NCKAP5: variants seen among roughly 807,000 people sequenced by gnomAD.
NCKAP5 encodes NCK associated protein 5.
Under a neutral mutation model 167.0 loss-of-function variants are expected in NCKAP5, and 92 were observed. The observed-to-expected ratio is 0.55, with a 90% CI of 0.47 to 0.66. NCKAP5 has a LOEUF of 0.66. Ranked by LOEUF, NCKAP5 falls within the 30% of genes least tolerant of loss-of-function variation. The probability of loss-of-function intolerance (pLI) is 0.00; values close to 1 mark genes in which losing one functional copy is unlikely to be tolerated. For synonymous variants in NCKAP5, 891 were observed against 877.4 expected, an observed-to-expected ratio of 1.02 and a Z score of -0.27; for missense variants, 2,378 against 2,315.0, an observed-to-expected ratio of 1.03 and a Z score of -0.56.
At chr2:133,208,954 A>G (rs1279280758) in intron 5 of NCKAP5, among the ~76,000 whole-genome samples, 1 of 152,184 alleles carries the variant, frequency 6.6e-6, no homozygotes, top group Non-Finnish European at 1.5e-5. Flanking sequence ...TAAGGGTAGT[A>G]ATAAAGGCTG....
chr2:133,624,636 C>T, the NCKAP5 span, among the ~76,000 whole-genome samples: 4 of 152,198 alleles, frequency 2.6e-5, no homozygotes. Flanking sequence ...GTAATTGCTA[C>T]ACAATGTCTC....
chr2:132,693,448 CAGAG>C (rs1686987114), intron 19 of NCKAP5, among the ~76,000 whole-genome samples: 1 of 151,744 alleles, frequency 6.6e-6, no homozygotes, highest in African/African-American at 2.4e-5. Flanking sequence ...AAGACAGACA[CAGAG>C]AGAAAACAGA....
chr2:132,732,366 A>G (rs1691112494), intron 16 of NCKAP5, among the ~76,000 whole-genome samples: 3 of 152,186 alleles, frequency 2.0e-5, no homozygotes, highest in Admixed American at 2.0e-4. Flanking sequence ...GCACACCAAC[A>G]TGGCACATGT....
intron 3 of NCKAP5, among the ~76,000 whole-genome samples, chr2:133,310,225 G>A (rs1409109970): frequency 6.6e-6 from 1 of 152,192 alleles, no homozygotes; most frequent in African/African-American, 2.4e-5. Context: ...ACTGGCATCT[G>A]TACCAATATA....
intron 10 of NCKAP5, 100 bp from the exon 11 acceptor site, chr2:132,860,711 G>T: frequency 2.2e-6 from 3 of 1,360,882 alleles, no homozygotes; most frequent in African/African-American, 1.5e-5. Context: ...AGTAAAAAAC[G>T]GTATTTTTAT....
chr2:133,593,777 T>C, the NCKAP5 span, among the ~76,000 whole-genome samples: 4 of 152,248 alleles, frequency 2.6e-5, no homozygotes, highest in African/African-American at 7.2e-5. Context: ...TCTTCCAGCC[T>C]CTGTTTCTTC....
intron 2 of NCKAP5, among the ~76,000 whole-genome samples, chr2:133,535,151 C>T (rs1477561490): frequency 6.6e-6 from 1 of 152,064 alleles, no homozygotes; most frequent in East Asian, 1.9e-4. Flanking sequence ...TTATGTAAAA[C>T]TAGATTCAGG....
At chr2:132,841,664 A>G (rs577072037) in intron 11 of NCKAP5, among the ~76,000 whole-genome samples, 1 of 152,176 alleles carries the variant, frequency 6.6e-6, no homozygotes, top group South Asian at 2.1e-4. Flanking sequence ...TATATACTCT[A>G]TTATACTTAA....
At chr2:133,438,109 A>G (rs566107641) in intron 3 of NCKAP5, among the ~76,000 whole-genome samples, 19 of 152,320 alleles carry the variant, frequency 1.2e-4, no homozygotes, top group Non-Finnish European at 1.9e-4. Flanking sequence ...GCAATTCAGC[A>G]ACCTAAGTCC....
the NCKAP5 span, among the ~76,000 whole-genome samples, chr2:133,637,550 A>G: frequency 6.6e-6 from 1 of 151,272 alleles, no homozygotes; most frequent in African/African-American, 2.4e-5. Flanking sequence ...AATTGGACTA[A>G]TGGAAATTAA....
At chr2:133,401,745 C>A (rs1292696540) in intron 3 of NCKAP5, among the ~76,000 whole-genome samples, 1 of 152,188 alleles carries the variant, frequency 6.6e-6, no homozygotes, top group Non-Finnish European at 1.5e-5. Flanking sequence ...TTATCTCACC[C>A]TGGTTTCCCA....
At chr2:133,479,235 G>T (rs1440972101) in intron 3 of NCKAP5, among the ~76,000 whole-genome samples, 2 of 152,114 alleles carry the variant, frequency 1.3e-5, no homozygotes, top group African/African-American at 4.8e-5. Flanking sequence ...CGAAGGAGAG[G>T]AATTAATAAT....
chr2:132,734,541 C>T (rs1344414197), intron 16 of NCKAP5, among the ~76,000 whole-genome samples: 1 of 152,184 alleles, frequency 6.6e-6, no homozygotes, highest in African/African-American at 2.4e-5. Flanking sequence ...CCACCTATCC[C>T]TGAATCAAAG....
chr2:132,892,621 T>C (rs1295363781), intron 8 of NCKAP5, among the ~76,000 whole-genome samples: 2 of 152,218 alleles, frequency 1.3e-5, no homozygotes, highest in African/African-American at 2.4e-5. Context: ...AGTTAAACTA[T>C]GCAAAACTCA....
intron 19 of NCKAP5, among the ~76,000 whole-genome samples, chr2:132,710,913 A>G (rs1688777209): frequency 6.6e-6 from 1 of 152,198 alleles, no homozygotes; most frequent in Non-Finnish European, 1.5e-5. Flanking sequence ...TTAACATTTG[A>G]GAAAGGTACT....
intron 6 of NCKAP5, among the ~76,000 whole-genome samples, chr2:133,063,846 A>G (rs970185780): frequency 6.6e-6 from 1 of 152,230 alleles, no homozygotes; most frequent in Non-Finnish European, 1.5e-5. Flanking sequence ...TTTAACTGAT[A>G]TATTTGTGGG....
chr2:133,664,590 C>A, the NCKAP5 span, among the ~76,000 whole-genome samples: 2 of 152,202 alleles, frequency 1.3e-5, no homozygotes, highest in African/African-American at 4.8e-5. Context: ...AACTCCACCT[C>A]CTGGGTTCAA....
At chr2:133,317,082 G>C (rs1170886108) in intron 3 of NCKAP5, among the ~76,000 whole-genome samples, 1 of 152,188 alleles carries the variant, frequency 6.6e-6, no homozygotes, top group East Asian at 1.9e-4. Context: ...TGGAGCGCCT[G>C]AAGAGACCTT....
chr2:133,191,776 G>C (rs190691584), intron 5 of NCKAP5, among the ~76,000 whole-genome samples: 3 of 152,078 alleles, frequency 2.0e-5, no homozygotes, highest in African/African-American at 7.2e-5. Context: ...CATGGGGTTG[G>C]GGGGAGCAGG....
Sources: gnomAD v4.1 joint callset for allele counts (sites outside exome capture counted in the v4.1 genomes callset) on GRCh38, gnomAD v4.1.1 for gene constraint, MANE v1.5 for transcripts, NCBI Gene and HGNC (gene_info 2026-07-23, HGNC 2026-07-21) for gene names.